The following RESF1 variants were observed in gnomAD, a reference collection of about 807,000 sequenced individuals.
RESF1 encodes retroelement silencing factor 1.
RESF1 carries 65 observed loss-of-function variants against 134.7 expected under a neutral mutation model. The ratio of observed to expected loss-of-function variants is 0.48; its 90% CI spans 0.40 to 0.59. RESF1 has a LOEUF of 0.59. RESF1 is among the 20% of genes least tolerant of loss of function. The pLI, the probability that RESF1 is intolerant of heterozygous loss-of-function variation, is 0.00. For synonymous variants in RESF1, 762 were observed against 702.2 expected (o/e 1.09, Z -1.35); for missense variants, 2,274 against 2,002.7 (o/e 1.14, Z -2.59).
rs1939928899 is a variant in RESF1, at chr12:31,984,973, T to C, written c.4018T>C (p.Phe1340Leu). Residue 1340 changes from phenylalanine (F) to leucine (L), a missense_variant, in exon 4 of 6, where the codon TTT becomes CTT. Physicochemically the swap from Phe to Leu is conservative, Grantham distance 22. Transcript: ENST00000312561. Reference sequence around the variant, plus strand: ...ACGTCCACTAAAAACAAAAACAGCTTTTTTGCCAAATAAAGATGTGTATAA... The same window carrying C: ...ACGTCCACTAAAAACAAAAACAGCTCTTTTGCCAAATAAAGATGTGTATAA... ...NSRPLKTKTA[F>L]LPNKDVYKKH... The C allele has an allele frequency of 6.2e-7, 1 of 1,612,960 alleles. No homozygotes were observed. The highest frequency in any genetic ancestry group is 1.3e-5 in the African/African-American group (1 of 74,876).
chr12:31,992,211 A>G (rs1940106866), intron 5 of RESF1, among the ~76,000 whole-genome samples, 167 bp from the exon 6 acceptor site: 1 of 147,960 alleles, frequency 6.8e-6, no homozygotes, highest in Admixed American at 6.7e-5. Context: ...TCACGTGTAT[A>G]TAACTTACAA....
chr12:31,982,228 G>A lies in RESF1; in HGVS notation c.1273G>A (p.Gly425Ser), dbSNP rs772428361. The change falls in exon 4 of 6, where the codon GGT becomes AGT. Residue 425 changes from glycine (G) to serine (S), a missense_variant. Transcript: ENST00000312561. ...CAATAAAGATCTTTTGATGGCAGCA[G>A]GTTGTATTAAAATGACTAATACTTC... ...KINKDLLMAAGCIKMTNTSYS... is the reference protein window; with the variant it reads ...KINKDLLMAASCIKMTNTSYS... 6 of 1,613,214 alleles carry A rather than the reference G, an allele frequency of 3.7e-6. No individual in the cohort carries two copies. Among genetic ancestry groups the A allele is most frequent in the Non-Finnish European group, 5.1e-6 (6 of 1,179,842 alleles).
Position 31,981,735 on chromosome 12 carries a change from G to T in RESF1, c.780G>T (p.Gln260His). Residue 260 changes from glutamine (Q) to histidine (H), a missense_variant, in exon 4 of 6, where the codon CAG (glutamine) becomes CAT (histidine). Transcript: ENST00000312561. ...CTGTATTAACTTTACCATCAAGGCA[G>T]ACCTCAGCTGTACCATCACAGCAGT... Reference protein sequence around the residue: ...LNSVLTLPSRQTSAVPSQQYA... With the variant: ...LNSVLTLPSRHTSAVPSQQYA... The T allele has an allele frequency of 6.2e-7, 1 of 1,613,716 alleles. No homozygotes were observed. Among genetic ancestry groups the T allele is most frequent in the East Asian group, 2.2e-5 (1 of 44,888 alleles).
At chr12:31,959,941 C>G (rs1021257510) in intron 1 of RESF1, 5 of 151,718 alleles carry the variant, frequency 3.3e-5, no homozygotes, top group African/African-American at 1.2e-4. Flanking sequence ...GCTTTCCTGT[C>G]GCTGGAGTGA....
chr12:31,973,395 A>G (rs906019694), intron 3 of RESF1, among the ~76,000 whole-genome samples: 1 of 151,938 alleles, frequency 6.6e-6, no homozygotes, highest in Non-Finnish European at 1.5e-5. Context: ...ACAGCCTCAA[A>G]CATCTGGGCT....
chr12:31,988,480 A>C (rs540836508), intron 5 of RESF1, among the ~76,000 whole-genome samples: 4 of 152,208 alleles, frequency 2.6e-5, no homozygotes, highest in Non-Finnish European at 5.9e-5. Flanking sequence ...GCTTTAGGTT[A>C]TATACAATAT....
chr12:31,967,903 A>G (rs1939434524), intron 2 of RESF1, among the ~76,000 whole-genome samples: 1 of 152,226 alleles, frequency 6.6e-6, no homozygotes, highest in Non-Finnish European at 1.5e-5. Context: ...GTCCAGGACC[A>G]TCTGGGCTTA....
chr12:31,974,945 C>T (rs1419986087), intron 3 of RESF1, among the ~76,000 whole-genome samples: 8 of 125,358 alleles, frequency 6.4e-5, no homozygotes, highest in African/African-American at 9.6e-5. Flanking sequence ...TTTTTTTTAA[C>T]GGATAGACTT....
chr12:31,967,729 T>G (rs115418182), intron 2 of RESF1, among the ~76,000 whole-genome samples: 188 of 151,538 alleles, frequency 1.2e-3, no homozygotes, highest in African/African-American at 4.4e-3. Flanking sequence ...CGTGGCTGAC[T>G]GGGTGCTATG....
In RESF1 at chr12:31,982,454, T is replaced by G; in HGVS notation, c.1499T>G (p.Val500Gly). Residue 500 changes from valine (V) to glycine (G), a missense_variant, in exon 4 of 6, where the codon GTT becomes GGT. By Grantham distance (109) the Val-to-Gly change is moderately radical (BLOSUM62 -3). Coordinates refer to ENST00000312561, the MANE Select transcript of RESF1 (RefSeq NM_018169.4). ...QEVNCRRFNQ[V>G]DSVLPNPVYS... is the part of the protein sequence containing the mutation. Reference sequence around the variant, plus strand: ...GTCAATTGCAGAAGGTTTAACCAAGTTGATTCTGTTTTACCAAATCCTGTC... The same window carrying G: ...GTCAATTGCAGAAGGTTTAACCAAGGTGATTCTGTTTTACCAAATCCTGTC... The G allele has an allele frequency of 6.2e-7, 1 of 1,613,856 alleles. No homozygotes were observed. Among genetic ancestry groups the G allele is most frequent in the Non-Finnish European group, 8.5e-7 (1 of 1,180,024 alleles).
chr12:31,971,462 G>A (rs902140628), intron 3 of RESF1, among the ~76,000 whole-genome samples: 7 of 151,664 alleles, frequency 4.6e-5, no homozygotes, highest in Non-Finnish European at 7.4e-5. Flanking sequence ...CTTTCTTGTA[G>A]CTATTTGTGT....
intron 2 of RESF1, among the ~76,000 whole-genome samples, chr12:31,969,567 G>C (rs1290835768): frequency 6.6e-6 from 1 of 152,142 alleles, no homozygotes; most frequent in Admixed American, 6.6e-5. Context: ...ATTTCTTGCT[G>C]TTTTATCTGA....
chr12:31,968,164 A>G (rs1289860999), intron 2 of RESF1, among the ~76,000 whole-genome samples: 2 of 152,252 alleles, frequency 1.3e-5, no homozygotes, highest in African/African-American at 4.8e-5. Context: ...CAGTTTAACC[A>G]TATCAGTGGA....
intron 5 of RESF1, 54 bp from the exon 6 acceptor site, chr12:31,992,324 T>C (rs1940108878): frequency 1.4e-6 from 2 of 1,442,062 alleles, no homozygotes; most frequent in Non-Finnish European, 1.9e-6. Flanking sequence ...TGATTATATA[T>C]TGATCACAGC....
intron 2 of RESF1, among the ~76,000 whole-genome samples, chr12:31,966,769 T>G (rs1393252943): frequency 6.6e-6 from 1 of 152,206 alleles, no homozygotes; most frequent in African/African-American, 2.4e-5. Flanking sequence ...AGGCACTTTT[T>G]AATCCAGTGT....
chr12:31,980,563 T>A (rs1259367569), intron 3 of RESF1, among the ~76,000 whole-genome samples: 4 of 152,200 alleles, frequency 2.6e-5, no homozygotes, highest in South Asian at 2.1e-4. Flanking sequence ...TTAGCTTTTT[T>A]AAAAAATGCA....
In RESF1 at chr12:31,981,084, T is replaced by C. The variant is rs1939772388; in HGVS notation, c.129T>C (p.Pro43=). Reference sequence around the variant, plus strand: ...CATCTCAGAGTTCTTTCAGCTATCCTGGAAGTAACCAAGAAGCATGCATGT... The same window carrying C: ...CATCTCAGAGTTCTTTCAGCTATCCCGGAAGTAACCAAGAAGCATGCATGT... ...TTTSQSSFSY[P]GSNQEACMYP... is the part of the protein sequence containing the mutation. Residue 43 remains proline, a synonymous_variant, in exon 4 of 6, where the codon CCT becomes CCC. Coordinates refer to ENST00000312561, the MANE Select transcript of RESF1 (RefSeq NM_018169.4). 1 of 1,614,190 alleles carries C rather than the reference T, an allele frequency of 6.2e-7. No individual in the cohort carries two copies. The highest frequency in any genetic ancestry group is 8.5e-7 in the Non-Finnish European group (1 of 1,180,020).
At position 31,984,748 on chromosome 12, in the gene RESF1, A is replaced by G. The variant is rs188554004; in HGVS notation, c.3793A>G (p.Lys1265Glu). ...AAAAGATACACCCAAAACAAAACAT[A>G]AAAGCTTACCAAGGACAGAACAAGA... ...SRKDTPKTKH[K>E]SLPRTEQELV... Residue 1265 changes from lysine to glutamate, a missense_variant, in exon 4 of 6, where the codon AAA becomes GAA. Physicochemically the swap from Lys to Glu is moderately conservative, Grantham distance 56. Transcript: ENST00000312561. 11 of 1,611,630 alleles carry G rather than the reference A, an allele frequency of 6.8e-6. No individual in the cohort carries two copies. In the African/African-American group the frequency reaches 9.4e-5, roughly 14 times the overall value.
Position 31,992,652 on chromosome 12 carries a change from A to T in RESF1, c.*117A>T. On this transcript the variant is annotated 3_prime_UTR_variant, in exon 6 of 6. Coordinates refer to ENST00000312561, the MANE Select transcript of RESF1 (RefSeq NM_018169.4). ...AAAGATTTCTCAGAGTTTGGTTCCCACTTTCATTGTATTTCATTGAAAGTG... is the reference window on the plus strand; with the variant it reads ...AAAGATTTCTCAGAGTTTGGTTCCCTCTTTCATTGTATTTCATTGAAAGTG... 9.2e-7 allele frequency: 1 copy of T among 1,088,108 alleles called. No homozygotes were observed. Among genetic ancestry groups the T allele is most frequent in the Non-Finnish European group, 1.4e-6 (1 of 729,232 alleles). The allele number at this position is 1,088,108 out of a possible 1,614,324, so 67.4% of individuals were successfully genotyped here.
Sources: gnomAD v4.1 joint callset for allele counts (sites outside exome capture counted in the v4.1 genomes callset) on GRCh38, gnomAD v4.1.1 for gene constraint, MANE v1.5 for transcripts, NCBI Gene and HGNC (gene_info 2026-07-23, HGNC 2026-07-21) for gene names.